BRD8: variants seen among roughly 807,000 people sequenced by gnomAD.
BRD8 encodes bromodomain-containing protein 8.
Under a neutral mutation model 143.1 loss-of-function variants are expected in BRD8, and 67 were observed. That is an observed-to-expected ratio of 0.47 (90% CI 0.38 to 0.57). The LOEUF (loss-of-function observed/expected upper bound fraction) is 0.57, where lower values mean the gene tolerates loss of function less well. Among genes scored for constraint, BRD8 ranks in the 20% least tolerant of loss-of-function variants. The probability of loss-of-function intolerance (pLI) is 0.00; values close to 1 mark genes in which losing one functional copy is unlikely to be tolerated. For synonymous variants in BRD8, 505 were observed against 517.1 expected (o/e 0.98, Z 0.32); for missense variants, 1,103 against 1,503.0 (o/e 0.73, Z 4.40).
chr5:138,152,711 T>C lies in BRD8; in HGVS notation c.2627A>G (p.Asp876Gly), dbSNP rs777634763. 1 of 1,614,066 alleles carries C rather than the reference T, an allele frequency of 6.2e-7. No homozygotes were observed. The highest frequency in any genetic ancestry group is 8.5e-7 in the Non-Finnish European group (1 of 1,180,022). The change falls in exon 21 of 27, where the codon GAC becomes GGC. Residue 876 changes from aspartate to glycine, a missense_variant. Physicochemically the swap from Asp to Gly is moderately conservative, Grantham distance 94. Transcript: ENST00000254900. ...WLDSEQDHPNDSELSNDCRSL... is the reference protein window; with the variant it reads ...WLDSEQDHPNGSELSNDCRSL... The stretch of plus-strand genomic sequence containing the variant: ...CCTGCAGTCATTGCTCAACTCAGAG[T>C]CATTGGGATGATCTTGTTCAGAATC...
At chr5:138,151,661 A>AC (rs1752373777) in intron 21 of BRD8, among the ~76,000 whole-genome samples, 1 of 152,026 alleles carries the variant, frequency 6.6e-6, no homozygotes, top group South Asian at 2.1e-4. Context: ...GTATTTTTTT[A>AC]TTTTTAATTT....
intron 16 of BRD8, 79 bp downstream of exon 16, chr5:138,161,975 G>T (rs1053029534): frequency 6.4e-7 from 1 of 1,560,364 alleles, no homozygotes; most frequent in African/African-American, 1.4e-5. Flanking sequence ...TTCCACAGAA[G>T]CCTACTCAGA....
Position 138,140,811 on chromosome 5 carries a change from C to T in BRD8, c.3509G>A (p.Arg1170Gln), listed in dbSNP as rs114689065. Residue 1170 changes from arginine to glutamine, a missense_variant, in exon 26 of 27, where the codon CGA becomes CAA. Transcript: ENST00000254900. ...ATTTTGGAACATCAGCATCAGGTCT[C>T]GCAGGAATTGGGCCATGGTGCGAAT... ...GRIRTMAQFLRDLMLMFQNAV... is the reference protein window; with the variant it reads ...GRIRTMAQFLQDLMLMFQNAV... 533 of 1,614,148 alleles carry T rather than the reference C, an allele frequency of 3.3e-4. 2 individuals carry two copies. The African/African-American group carries it at 6.7e-3, about 20-fold the overall frequency.
intron 20 of BRD8, chr5:138,156,825 TACACACACACACACACACACACACACAC>T (rs67288912): frequency 2.5e-5 from 20 of 803,094 alleles, no homozygotes; most frequent in Non-Finnish European, 3.0e-5. Flanking sequence ...AAGTTTCAAA[TACACACACACACACACACACACACACAC>T]ACACACACAC....
chr5:138,153,905 ACCTCAGGGGATCCAC>A (rs1362911371), intron 20 of BRD8, among the ~76,000 whole-genome samples: 3 of 151,456 alleles, frequency 2.0e-5, no homozygotes, highest in African/African-American at 4.9e-5. Flanking sequence ...TGAACTTCTG[ACCTCAGGGGATCCAC>A]CCACCTTTGC....
Position 138,171,049 on chromosome 5 carries a change from C to T in BRD8, c.348G>A (p.Gln116=). ...EELKKVIKET[Q]ERYRRLKRDA... is the part of the protein sequence containing the mutation. The stretch of plus-strand genomic sequence containing the variant: ...TCTCTGATAAGTACCTATATCTCTC[C>T]TGGGTTTCCTTTATCACTTTCTTTA... Residue 116 remains glutamine, a synonymous_variant, in exon 5 of 27, where the codon CAG becomes CAA. Transcript: ENST00000254900. 6.2e-7 allele frequency: 1 copy of T among 1,613,708 alleles called. No individual in the cohort carries two copies. Among genetic ancestry groups the T allele is most frequent in the South Asian group, 1.1e-5 (1 of 90,982 alleles).
At chr5:138,173,060 G>C (rs1320197558) in intron 2 of BRD8, among the ~76,000 whole-genome samples, 1 of 152,106 alleles carries the variant, frequency 6.6e-6, no homozygotes, top group Non-Finnish European at 1.5e-5. Flanking sequence ...AGTATCTGCT[G>C]ATAAAATAAT....
intron 25 of BRD8, among the ~76,000 whole-genome samples, chr5:138,144,915 A>AT (rs1561597956): frequency 4.3e-4 from 61 of 141,624 alleles, no homozygotes; most frequent in African/African-American, 8.9e-4. Context: ...AAAAAAAAAA[A>AT]AAAATATATA....
intron 20 of BRD8, among the ~76,000 whole-genome samples, chr5:138,158,715 C>T (rs993936055): frequency 6.7e-6 from 1 of 149,248 alleles, no homozygotes; most frequent in African/African-American, 2.5e-5. Flanking sequence ...AGTGCTGGGA[C>T]TACAGGTGTG....
At chr5:138,143,405 G>A (rs1267677276) in intron 25 of BRD8, among the ~76,000 whole-genome samples, 1 of 152,206 alleles carries the variant, frequency 6.6e-6, no homozygotes, top group African/African-American at 2.4e-5. Context: ...CTTGAGCCCA[G>A]GAGGTCAAGG....
intron 24 of BRD8, 53 bp downstream of exon 24, chr5:138,145,736 T>G (rs982829938): frequency 1.0e-5 from 15 of 1,459,924 alleles, no homozygotes; most frequent in South Asian, 5.7e-5. Context: ...AACCCCAATA[T>G]GTATTACTGC....
intron 20 of BRD8, among the ~76,000 whole-genome samples, chr5:138,154,395 CCTT>C (rs1435163115): frequency 1.3e-5 from 2 of 152,196 alleles, no homozygotes; most frequent in African/African-American, 2.4e-5. Context: ...TCATTTATCA[CCTT>C]CTCTACCAAC....
intron 20 of BRD8, among the ~76,000 whole-genome samples, chr5:138,156,628 A>C (rs939208701): frequency 6.6e-6 from 1 of 152,156 alleles, no homozygotes; most frequent in Non-Finnish European, 1.5e-5. Flanking sequence ...TAAAAACCTT[A>C]CTTTTCCCAA....
At chr5:138,170,474 C>A (rs974345954) in intron 6 of BRD8, 65 bp from the exon 7 acceptor site, 12 of 1,580,334 alleles carry the variant, frequency 7.6e-6, no homozygotes, top group Non-Finnish European at 9.6e-6. Context: ...TCACAGAACC[C>A]TTACAAAGTA....
Position 138,177,618 on chromosome 5 carries a change from C to T in BRD8, c.69G>A (p.Glu23=), listed in dbSNP as rs1489018836. Reference sequence around the variant, plus strand: ...TGACAGAAGATGCTAAACATAGCTTCTCTCGGATGGACCATGGCTCTGTGG... The same window carrying T: ...TGACAGAAGATGCTAAACATAGCTTTTCTCGGATGGACCATGGCTCTGTGG... ...TGPTEPWSIR[E]KLCLASSVMR... is the part of the protein sequence containing the mutation. Residue 23 remains glutamate, a synonymous_variant, in exon 2 of 27, where the codon GAG becomes GAA. Transcript: ENST00000254900. 3.1e-6 allele frequency: 5 copies of T among 1,611,374 alleles called. No homozygotes were observed. In the South Asian group the frequency reaches 5.5e-5, roughly 18 times the overall value.
chr5:138,150,743 A>T lies in BRD8; in HGVS notation c.3120+2T>A. The T allele has an allele frequency of 6.2e-7, 1 of 1,601,888 alleles. No individual in the cohort carries two copies. The highest frequency in any genetic ancestry group is 1.1e-5 in the South Asian group (1 of 88,836). On this transcript the variant is annotated splice_donor_variant, in intron 22 of 26. Coordinates refer to ENST00000254900, the MANE Select transcript of BRD8 (RefSeq NM_139199.2). LOFTEE classifies it high-confidence loss of function. ...GACAGCTGATTTAAGTTACTTTCTT[A>T]CCTCTTCACTCTCTGTGAGTAGTCC...
chr5:138,171,509 G>A, intron 3 of BRD8, 99 bp from the exon 4 acceptor site: 2 of 788,718 alleles, frequency 2.5e-6, no homozygotes, highest in East Asian at 2.5e-5. Context: ...TTAGAGAAGA[G>A]AACTATATGT....
At position 138,163,281 on chromosome 5, in the gene BRD8, T is replaced by C; in HGVS notation, c.1936A>G (p.Lys646Glu). 6.2e-7 allele frequency: 1 copy of C among 1,614,150 alleles called. No homozygotes were observed. Among genetic ancestry groups the C allele is most frequent in the Non-Finnish European group, 8.5e-7 (1 of 1,180,024 alleles). ...VSEAASLEEP[K>E]EEDQGEGYLS... is the part of the protein sequence containing the mutation. Reference sequence around the variant, plus strand: ...TAGCCTTCTCCTTGATCCTCTTCCTTAGGCTCCTCTAGGCTGGCCGCTTCA... The same window carrying C: ...TAGCCTTCTCCTTGATCCTCTTCCTCAGGCTCCTCTAGGCTGGCCGCTTCA... Residue 646 changes from lysine to glutamate, a missense_variant, in exon 15 of 27, where the codon AAG becomes GAG. Around this residue, in one of 7 missense-constraint regions of BRD8, gnomAD observed 75 missense variants for 111.7 expected, o/e 0.67. Transcript: ENST00000254900.
At chr5:138,158,531 T>C (rs980369853) in intron 20 of BRD8, among the ~76,000 whole-genome samples, 2 of 151,162 alleles carry the variant, frequency 1.3e-5, no homozygotes, top group Admixed American at 1.3e-4. Context: ...CTCCGCCTCC[T>C]GGGTTCAAGC....
Sources: allele counts gnomAD v4.1 joint callset (sites outside exome capture counted in the v4.1 genomes callset), GRCh38; gene constraint gnomAD v4.1.1; regional missense constraint gnomAD v4.1.1; transcripts MANE v1.5; gene names NCBI Gene and HGNC (gene_info 2026-07-23, HGNC 2026-07-21).